Variants in SLC9A9 observed in about 807,000 individuals in gnomAD.
SLC9A9 encodes solute carrier family 9 member A9.
SLC9A9 carries 62 observed loss-of-function variants against 77.8 expected under a neutral mutation model. The observed-to-expected ratio is 0.80, with a 90% CI of 0.65 to 0.98. The LOEUF is 0.98. Ranked by LOEUF, SLC9A9 falls within the 50% of genes least tolerant of loss-of-function variation. SLC9A9 has a pLI of 0.00. For synonymous variants in SLC9A9, 320 were observed against 283.5 expected, an observed-to-expected ratio of 1.13 and a Z score of -1.29; for missense variants, 775 against 774.9, an observed-to-expected ratio of 1.00 and a Z score of 0.00.
intron 5 of SLC9A9, among the ~76,000 whole-genome samples, chr3:143,657,780 A>G (rs1024856007): frequency 6.6e-6 from 1 of 152,232 alleles, no homozygotes; most frequent in Non-Finnish European, 1.5e-5. Context: ...ATTAACATGT[A>G]AATGTTTTAT....
At chr3:143,837,134 T>G (rs1255558395) in intron 1 of SLC9A9, among the ~76,000 whole-genome samples, 1 of 152,168 alleles carries the variant, frequency 6.6e-6, no homozygotes, top group Non-Finnish European at 1.5e-5. Flanking sequence ...ACAAAAGTGT[T>G]TTAAAGGAGA....
intron 14 of SLC9A9, among the ~76,000 whole-genome samples, chr3:143,332,750 G>A (rs1185157169): frequency 6.6e-6 from 1 of 152,152 alleles, no homozygotes; most frequent in African/African-American, 2.4e-5. Context: ...CTCTTTTAAT[G>A]TATACTTGGA....
At chr3:143,395,562 C>T (rs1335241432) in intron 12 of SLC9A9, among the ~76,000 whole-genome samples, 1 of 152,078 alleles carries the variant, frequency 6.6e-6, no homozygotes, top group South Asian at 2.1e-4. Context: ...TCTAAAACAC[C>T]AAAAGCAATG....
chr3:143,751,590 G>A (rs983133294), intron 4 of SLC9A9, among the ~76,000 whole-genome samples: 2 of 152,122 alleles, frequency 1.3e-5, no homozygotes, highest in African/African-American at 2.4e-5. Context: ...CTGCATTGTA[G>A]TTCAACTTCC....
At chr3:143,391,952 G>A (rs2033578127) in intron 12 of SLC9A9, among the ~76,000 whole-genome samples, 1 of 152,204 alleles carries the variant, frequency 6.6e-6, no homozygotes, top group African/African-American at 2.4e-5. Flanking sequence ...GGGACTGTGT[G>A]AAAAGACCAA....
chr3:143,533,615 T>TA (rs1382846385), intron 9 of SLC9A9, among the ~76,000 whole-genome samples: 2 of 152,200 alleles, frequency 1.3e-5, no homozygotes, highest in African/African-American at 2.4e-5. Context: ...TGCATAACCA[T>TA]AAAAAAACCC....
intron 4 of SLC9A9, among the ~76,000 whole-genome samples, chr3:143,782,740 T>A (rs996192873): frequency 1.2e-4 from 18 of 152,192 alleles, no homozygotes; most frequent in African/African-American, 4.8e-5. Context: ...TTTTATGAAC[T>A]CATTGATTCA....
intron 9 of SLC9A9, chr3:143,518,128 C>A: frequency 6.2e-7 from 1 of 1,600,142 alleles, no homozygotes. Context: ...TGCTCTCCAC[C>A]CACTCCCTCA....
chr3:143,291,809 G>A (rs1356227022), intron 14 of SLC9A9, among the ~76,000 whole-genome samples: 1 of 152,148 alleles, frequency 6.6e-6, no homozygotes, highest in Non-Finnish European at 1.5e-5. Flanking sequence ...ACTCCATAAA[G>A]GTACAAGTGG....
At chr3:143,316,163 A>T (rs1241507939) in intron 14 of SLC9A9, among the ~76,000 whole-genome samples, 2 of 152,190 alleles carry the variant, frequency 1.3e-5, no homozygotes, top group Non-Finnish European at 2.9e-5. Context: ...CATTTCCCAC[A>T]TCTTTAGCCA....
intron 6 of SLC9A9, among the ~76,000 whole-genome samples, chr3:143,648,794 C>A (rs1304932898): frequency 1.3e-5 from 2 of 152,116 alleles, no homozygotes; most frequent in Admixed American, 6.5e-5. Context: ...AGATAAACTG[C>A]ATCAGAATCT....
At chr3:143,722,756 T>C (rs1252644688) in intron 4 of SLC9A9, among the ~76,000 whole-genome samples, 3 of 152,238 alleles carry the variant, frequency 2.0e-5, no homozygotes, top group African/African-American at 4.8e-5. Context: ...GAGCCACTAA[T>C]TGGTCTCTGT....
chr3:143,667,261 G>GA (rs1246671148), intron 5 of SLC9A9, among the ~76,000 whole-genome samples: 1 of 152,206 alleles, frequency 6.6e-6, no homozygotes, highest in Non-Finnish European at 1.5e-5. Context: ...AAGGTGCTGG[G>GA]AAAACTGGCT....
At chr3:143,712,472 G>A (rs1006899607) in intron 4 of SLC9A9, among the ~76,000 whole-genome samples, 3 of 152,162 alleles carry the variant, frequency 2.0e-5, no homozygotes, top group African/African-American at 4.8e-5. Context: ...AAAAGATAAC[G>A]AGCAATCTAC....
intron 14 of SLC9A9, among the ~76,000 whole-genome samples, chr3:143,327,349 TG>T (rs1225966455): frequency 1.3e-5 from 2 of 152,222 alleles, no homozygotes; most frequent in Non-Finnish European, 2.9e-5. Context: ...CTCTTAAATA[TG>T]GGGAAGAAGA....
At chr3:143,629,267 C>T (rs1320809016) in intron 6 of SLC9A9, among the ~76,000 whole-genome samples, 2 of 152,272 alleles carry the variant, frequency 1.3e-5, no homozygotes, top group South Asian at 2.1e-4. Context: ...TCAACAAGTA[C>T]ATACTGAGTA....
At chr3:143,305,530 T>C (rs1351633349) in intron 14 of SLC9A9, among the ~76,000 whole-genome samples, 3 of 152,226 alleles carry the variant, frequency 2.0e-5, no homozygotes, top group African/African-American at 4.8e-5. Flanking sequence ...ATTGTTGCTT[T>C]GTTAAAAATT....
At chr3:143,391,906 G>C (rs1034963430) in intron 12 of SLC9A9, among the ~76,000 whole-genome samples, 3 of 152,300 alleles carry the variant, frequency 2.0e-5, no homozygotes, top group Admixed American at 6.5e-5. Flanking sequence ...AGAGAAAAAA[G>C]AGTAAAAAGA....
intron 2 of SLC9A9, among the ~76,000 whole-genome samples, chr3:143,825,681 A>T (rs1456965934): frequency 6.6e-6 from 1 of 152,212 alleles, no homozygotes; most frequent in Non-Finnish European, 1.5e-5. Context: ...TTCCTTTACC[A>T]AGCGATAGTG....
Sources: gnomAD v4.1 joint callset for allele counts (sites outside exome capture counted in the v4.1 genomes callset) on GRCh38, gnomAD v4.1.1 for gene constraint, MANE v1.5 for transcripts, NCBI Gene and HGNC (gene_info 2026-07-23, HGNC 2026-07-21) for gene names.